The following EPAS1 variants were observed in gnomAD, a reference collection of about 807,000 sequenced individuals.
The protein encoded by EPAS1 is endothelial PAS domain protein 1.
In EPAS1, 23 loss-of-function variants were observed where a neutral mutation model predicts 87.9. That is an observed-to-expected ratio of 0.26 (90% CI 0.19 to 0.37). The LOEUF is 0.37. Ranked by LOEUF, EPAS1 falls within the 10% of genes least tolerant of loss-of-function variation. EPAS1 has a pLI of 1.00. For synonymous variants in EPAS1, 508 were observed against 444.3 expected, an observed-to-expected ratio of 1.14 and a Z score of -1.80; for missense variants, 1,138 against 1,120.7, an observed-to-expected ratio of 1.02 and a Z score of -0.22.
At position 46,375,887 on chromosome 2, in the gene EPAS1, C is replaced by G; in HGVS notation, c.1034+50C>G. ...CTTGGTGCAGGGTATGTGGGGGTGC[C>G]CAAGCTTCCCAGACTCAGGATGACA... On this transcript the variant is annotated intron_variant, in intron 8 of 15. Transcript: ENST00000263734. The surrounding 1 kb of genome is among the most constrained non-coding windows in gnomAD (Gnocchi z 4.1). 6.2e-7 allele frequency: 1 copy of G among 1,612,626 alleles called. No homozygotes were observed. The highest frequency in any genetic ancestry group is 8.5e-7 in the Non-Finnish European group (1 of 1,179,348).
At chr2:46,368,892 C>T (rs1053225930) in intron 6 of EPAS1, among the ~76,000 whole-genome samples, 2 of 152,068 alleles carry the variant, frequency 1.3e-5, no homozygotes, top group Non-Finnish European at 2.9e-5. Flanking sequence ...TTGGGTAAAG[C>T]GGCCAACCTG....
intron 1 of EPAS1, among the ~76,000 whole-genome samples, chr2:46,338,229 T>A (rs928316608): frequency 6.6e-6 from 1 of 152,224 alleles, no homozygotes; most frequent in African/African-American, 2.4e-5. Flanking sequence ...TGTCTCCTTA[T>A]GTGTAAAATG....
intron 1 of EPAS1, among the ~76,000 whole-genome samples, chr2:46,333,109 A>G (rs1357066185): frequency 2.6e-5 from 4 of 152,212 alleles, no homozygotes; most frequent in African/African-American, 9.6e-5. Context: ...TGGGGTGTTA[A>G]GCAACCTAGT....
chr2:46,379,643 ATCAT>A (rs58939606), intron 11 of EPAS1: 63,180 of 163,238 alleles, frequency 0.39, 13,345 homozygotes, highest in Non-Finnish European at 0.49. Context: ...CCCTGCTTGT[ATCAT>A]GCGTCCGTCA....
intron 1 of EPAS1, among the ~76,000 whole-genome samples, chr2:46,334,166 C>G (rs1343414748): frequency 1.3e-5 from 2 of 152,206 alleles, no homozygotes; most frequent in African/African-American, 4.8e-5. Context: ...AGGGCCAAAG[C>G]ATGACCAGCA....
In EPAS1 at chr2:46,380,482, A is replaced by C; in HGVS notation, c.1810A>C (p.Met604Leu). The C allele has an allele frequency of 6.2e-7, 1 of 1,614,122 alleles. No homozygotes were observed. The highest frequency in any genetic ancestry group is 8.5e-7 in the Non-Finnish European group (1 of 1,180,014). Residue 604 changes from methionine to leucine, a missense_variant, in exon 12 of 16, where the codon ATG becomes CTG. Met to Leu is a conservative substitution (Grantham distance 15). Around this residue, in one of 4 missense-constraint regions of EPAS1, gnomAD observed 502 missense variants for 427.1 expected, o/e 1.18. Transcript: ENST00000263734. This position sits in a 1 kb window ranked among gnomAD's most constrained non-coding sequence, Gnocchi z 4.4. The part of the protein sequence containing the change: ...SKKTEPEHRP[M>L]SSIFFDAGSK... ...GAAGACAGAGCCCGAGCACCGGCCC[A>C]TGTCCTCCATCTTCTTTGATGCCGG...
chr2:46,366,869 G>A (rs1021415204), intron 6 of EPAS1, among the ~76,000 whole-genome samples: 2 of 152,236 alleles, frequency 1.3e-5, no homozygotes, highest in African/African-American at 2.4e-5. Context: ...AAACAAGCTC[G>A]GTTCATTAAC....
chr2:46,353,096 G>C (rs1325134277), intron 2 of EPAS1, among the ~76,000 whole-genome samples: 2 of 152,120 alleles, frequency 1.3e-5, no homozygotes, highest in Non-Finnish European at 2.9e-5. Context: ...ATATCTTCTC[G>C]GTTGGCTAGA....
At position 46,371,962 on chromosome 2, in the gene EPAS1, T is replaced by A. The variant is rs577048021; in HGVS notation, c.886+2029T>A. ...GGAAAAAAAAATTGTGACTTCTGACTAGGCATATAGAAAGGATTTTCCCTC... is the reference window on the plus strand; with the variant it reads ...GGAAAAAAAAATTGTGACTTCTGACAAGGCATATAGAAAGGATTTTCCCTC... On this transcript the variant is annotated intron_variant, in intron 7 of 15. Transcript: ENST00000263734. This position sits in a 1 kb window ranked among gnomAD's most constrained non-coding sequence, Gnocchi z 4.3. Among the ~76,000 whole-genome samples the A allele has an allele frequency of 2.5e-4, 38 of 152,354 alleles. No individual in the cohort carries two copies. The highest frequency in any genetic ancestry group is 8.9e-4 in the African/African-American group (37 of 41,594).
chr2:46,367,427 T>C (rs1181630377), intron 6 of EPAS1, among the ~76,000 whole-genome samples: 1 of 152,214 alleles, frequency 6.6e-6, no homozygotes, highest in Non-Finnish European at 1.5e-5. Context: ...TTAGCAGGGC[T>C]TACTCATGCA....
intron 1 of EPAS1, among the ~76,000 whole-genome samples, chr2:46,310,797 T>G (rs1486556873): frequency 1.3e-5 from 2 of 152,260 alleles, no homozygotes; most frequent in African/African-American, 4.8e-5. Context: ...TAGCTCATTC[T>G]GTCCACCGGT....
Position 46,360,814 on chromosome 2 carries a change from GGAT to G in EPAS1, c.573+60_573+62del. 3.7e-6 allele frequency: 6 copies of G among 1,611,938 alleles called. No individual in the cohort carries two copies. The highest frequency in any genetic ancestry group is 5.1e-6 in the Non-Finnish European group (6 of 1,178,120). On this transcript the variant is annotated intron_variant, in intron 5 of 15. Transcript: ENST00000263734. The surrounding 1 kb of genome is among the most constrained non-coding windows in gnomAD (Gnocchi z 4.5). ...AGGTGTAGGGTAACGGCGGTGCAGG[GGAT>G]GCCTAAGGCCCTACCCCCACCCCCA...
At chr2:46,319,021 C>T (rs1683402939) in intron 1 of EPAS1, among the ~76,000 whole-genome samples, 1 of 152,166 alleles carries the variant, frequency 6.6e-6, no homozygotes, top group African/African-American at 2.4e-5. Flanking sequence ...TATTTTCAGA[C>T]CTGAAAAGCA....
At chr2:46,304,576 C>T (rs1326673069) in intron 1 of EPAS1, among the ~76,000 whole-genome samples, 1 of 152,102 alleles carries the variant, frequency 6.6e-6, no homozygotes, top group Non-Finnish European at 1.5e-5. Flanking sequence ...GATTGAAGAT[C>T]TGAAAGGCCA....
At chr2:46,356,005 C>A in intron 2 of EPAS1, 146 bp from the exon 3 acceptor site, 1 of 848,088 alleles carries the variant, frequency 1.2e-6, no homozygotes, top group East Asian at 2.6e-5. Context: ...CAGGCGGAGG[C>A]AGACATTCAG....
chr2:46,334,355 G>A (rs1040940189), intron 1 of EPAS1, among the ~76,000 whole-genome samples: 2 of 152,122 alleles, frequency 1.3e-5, no homozygotes, highest in African/African-American at 2.4e-5. Flanking sequence ...TAATGAATGC[G>A]TTCTCCCCAC....
chr2:46,299,743 T>C (rs1682959500), intron 1 of EPAS1, among the ~76,000 whole-genome samples: 1 of 152,174 alleles, frequency 6.6e-6, no homozygotes, highest in African/African-American at 2.4e-5. Flanking sequence ...TTGTACCGTA[T>C]ATACCGAGAA....
At chr2:46,383,349 C>T (rs986821367) in intron 15 of EPAS1, among the ~76,000 whole-genome samples, 1 of 152,236 alleles carries the variant, frequency 6.6e-6, no homozygotes, top group South Asian at 2.1e-4. Context: ...CAATGCCTGC[C>T]TTCAACCCTG....
intron 2 of EPAS1, among the ~76,000 whole-genome samples, chr2:46,348,742 G>C (rs905235032): frequency 3.3e-5 from 5 of 152,190 alleles, no homozygotes; most frequent in Non-Finnish European, 7.4e-5. Flanking sequence ...AATTTTTTCA[G>C]ATTTTGGAAT....
Sources: gnomAD v4.1 joint callset for allele counts (sites outside exome capture counted in the v4.1 genomes callset) on GRCh38, gnomAD v4.1.1 for gene constraint, gnomAD v4.1.1 regional missense constraint, Gnocchi (gnomAD v3.1) non-coding constraint, MANE v1.5 for transcripts, NCBI Gene and HGNC (gene_info 2026-07-23, HGNC 2026-07-21) for gene names.